The following NFATC1 variants were observed in gnomAD, a reference collection of about 807,000 sequenced individuals.
NFATC1 encodes the protein nuclear factor of activated T cells 1, also known as nuclear factor of activated T-cells, cytoplasmic 1.
In NFATC1, 22 loss-of-function variants were observed where a neutral mutation model predicts 76.0. That is an observed-to-expected ratio of 0.29 (90% CI 0.21 to 0.41). The LOEUF is 0.41. Ranked by LOEUF, NFATC1 falls within the 10% of genes least tolerant of loss-of-function variation. The pLI is 1.00. For missense variants in NFATC1, 1,357 were observed against 1,337.7 expected (o/e 1.01, Z -0.23); for synonymous variants, 704 against 613.1 (o/e 1.15, Z -2.19).
In NFATC1 at chr18:79,448,961, G is replaced by A. The variant is rs2087337869; in HGVS notation, c.1566G>A (p.Leu522=). 1.1e-5 allele frequency: 18 copies of A among 1,613,214 alleles called. No individual in the cohort carries two copies. Among genetic ancestry groups the A allele is most frequent in the Non-Finnish European group, 1.5e-5 (18 of 1,180,010 alleles). Reference sequence around the variant, plus strand: ...CCAAAGTCCTGGAGATCCCACTCCTGCCGGAGAACAGCATGCGAGCCGTGT... The same window carrying A: ...CCAAAGTCCTGGAGATCCCACTCCTACCGGAGAACAGCATGCGAGCCGTGT... The part of the protein sequence containing the change: ...SNTKVLEIPL[L]PENSMRAVID... The change falls in exon 4 of 10, where the codon CTG becomes CTA. Residue 522 remains leucine (L), a synonymous_variant. Transcript: ENST00000427363.
At chr18:79,448,688 G>T in intron 3 of NFATC1, 94 bp from the exon 4 acceptor site, 1 of 1,232,854 alleles carries the variant, frequency 8.1e-7, no homozygotes, top group Non-Finnish European at 1.2e-6. Context: ...GGGGACACAG[G>T]CCTCGAACCC....
intron 3 of NFATC1, among the ~76,000 whole-genome samples, chr18:79,445,178 G>A (rs1018090890): frequency 1.3e-5 from 2 of 152,216 alleles, no homozygotes; most frequent in African/African-American, 4.8e-5. Flanking sequence ...CATCAAATTG[G>A]ATTTTTCTTA....
intron 8 of NFATC1, among the ~76,000 whole-genome samples, chr18:79,485,575 G>A (rs931361613): frequency 6.6e-6 from 1 of 152,208 alleles, no homozygotes; most frequent in African/African-American, 2.4e-5. Context: ...CCCAGCACCC[G>A]CCCTGTGGGC....
rs1303222331 is a variant in NFATC1, at chr18:79,482,161, GTGACCTGGTCCTGGGGTGTAATTCCAGCA to G, written c.2093-4077_2093-4049del. On this transcript the variant is annotated intron_variant, in intron 8 of 9. Transcript: ENST00000427363. ...CTCGTTCCTGGGGTGTAATTCCAGC[GTGACCTGGTCCTGGGGTGTAATTCCAGCA>G]TGACCTGGTTCCTGGGGTGTAATTC... Among the ~76,000 whole-genome samples, 151 of 143,272 alleles carry G rather than the reference GTGACCTGGTCCTGGGGTGTAATTCCAGCA, an allele frequency of 1.1e-3. 2 individuals are homozygous for G. The highest frequency in any genetic ancestry group is 6.8e-3 in the Admixed American group (97 of 14,252). The allele number at this position is 143,272 out of a possible 152,430, so 94.0% of individuals were successfully genotyped here. A position where few individuals can be genotyped will look rare whatever the true frequency, so the allele number is the denominator to read the frequency against.
chr18:79,399,112 G>A (rs568768116), intron 1 of NFATC1, among the ~76,000 whole-genome samples: 1 of 152,364 alleles, frequency 6.6e-6, no homozygotes, highest in Non-Finnish European at 1.5e-5. Flanking sequence ...AAACGTTGTG[G>A]CTTCTCAACA....
Position 79,396,091 on chromosome 18 carries a change from G to T in NFATC1, c.-134G>T, listed in dbSNP as rs146292734. On this transcript the variant is annotated 5_prime_UTR_variant, in exon 1 of 10. The change abolishes an upstream ATG in the 5' untranslated region. Transcript: ENST00000427363. ...GCCACGCGCGCACACGCCCCTCGAT[G>T]ACTTTCCTCCGGGGCGCGCGGCGCT... 0.037 allele frequency: 41,052 copies of T among 1,109,390 alleles called. 887 individuals are homozygous for T. Among genetic ancestry groups the T allele is most frequent in the Non-Finnish European group, 0.042 (37,636 of 889,988 alleles). The allele number at this position is 1,109,390 out of a possible 1,614,324, so 68.7% of individuals were successfully genotyped here.
intron 9 of NFATC1, among the ~76,000 whole-genome samples, chr18:79,501,903 G>A (rs976038021): frequency 2.0e-5 from 3 of 152,178 alleles, no homozygotes; most frequent in Non-Finnish European, 4.4e-5. Context: ...TGGAACAGAA[G>A]AATCAATATT....
At chr18:79,503,439 C>T (rs1057007042) in intron 9 of NFATC1, among the ~76,000 whole-genome samples, 13 of 152,122 alleles carry the variant, frequency 8.5e-5, no homozygotes, top group South Asian at 2.1e-4. Context: ...GTGCATTGTC[C>T]GTGAGCAGTA....
chr18:79,501,608 C>G (rs532705708), intron 9 of NFATC1, among the ~76,000 whole-genome samples: 8,042 of 101,924 alleles, frequency 0.079, 321 homozygotes, highest in Admixed American at 0.14. Context: ...CTACACCCCA[C>G]CCCCCCTCCC....
chr18:79,427,684 T>C (rs12954400), intron 2 of NFATC1, among the ~76,000 whole-genome samples: 68 of 50,004 alleles, frequency 1.4e-3, no homozygotes, highest in African/African-American at 3.4e-3. Flanking sequence ...GGGGGCTGGA[T>C]GGCTGGCCTC....
rs2085770601 is a variant in NFATC1 at position 79,413,560 on chromosome 18, C to T, written c.1226+2059C>T. Among the ~76,000 whole-genome samples the T allele has an allele frequency of 2.0e-5, 3 of 152,208 alleles. No homozygotes were observed. In the South Asian group the frequency reaches 6.2e-4, roughly 31 times the overall value. ...GGCCACCCTGGTGGCCTCATTTGAA[C>T]TTGATCGCTCTGTAAAGACCCTCTC... On this transcript the variant is annotated intron_variant, in intron 2 of 9. Transcript: ENST00000427363.
In NFATC1 at chr18:79,454,996, G is replaced by A. The variant is rs538957706; in HGVS notation, c.1903+3180G>A. 3.3e-3 allele frequency among the ~76,000 whole-genome samples: 505 copies of A among 152,230 alleles called. 5 individuals are homozygous for A. Among genetic ancestry groups the A allele is most frequent in the Admixed American group, 8.8e-3 (134 of 15,286 alleles). On this transcript the variant is annotated intron_variant, in intron 6 of 9. Coordinates refer to ENST00000427363, the MANE Select transcript of NFATC1 (RefSeq NM_001278669.2). Reference sequence around the variant, plus strand: ...TGAAGCTGCTGAGGGACACACTAACGTTCAACATAAACGAAACGCCCGAAG... The same window carrying A: ...TGAAGCTGCTGAGGGACACACTAACATTCAACATAAACGAAACGCCCGAAG...
chr18:79,403,251 G>A (rs1459974184), intron 1 of NFATC1, among the ~76,000 whole-genome samples: 1 of 152,250 alleles, frequency 6.6e-6, no homozygotes, highest in Non-Finnish European at 1.5e-5. Context: ...TTGAGGGAGG[G>A]GCTGTGTCTT....
intron 2 of NFATC1, among the ~76,000 whole-genome samples, chr18:79,427,454 C>T (rs2086396501): frequency 1.0e-4 from 5 of 49,048 alleles, no homozygotes; most frequent in African/African-American, 1.8e-4. Context: ...CGGCTGGCCT[C>T]TGTGCGGTGG....
intron 3 of NFATC1, among the ~76,000 whole-genome samples, chr18:79,441,289 G>A (rs1462386888): frequency 6.6e-6 from 1 of 152,124 alleles, no homozygotes; most frequent in Non-Finnish European, 1.5e-5. Context: ...GATTCCTCGG[G>A]CCCTTCACCC....
chr18:79,506,437 C>T (rs1288935792), intron 9 of NFATC1, among the ~76,000 whole-genome samples: 7 of 152,220 alleles, frequency 4.6e-5, no homozygotes, highest in Non-Finnish European at 5.9e-5. Flanking sequence ...CTCTGATATG[C>T]CCTCCCCAGG....
At chr18:79,440,327 C>T (rs1334000458) in intron 3 of NFATC1, among the ~76,000 whole-genome samples, 2 of 152,222 alleles carry the variant, frequency 1.3e-5, no homozygotes, top group Non-Finnish European at 2.9e-5. Flanking sequence ...GGGGTCTGCA[C>T]GCCCACTGGA....
intron 1 of NFATC1, among the ~76,000 whole-genome samples, chr18:79,407,597 G>A (rs190623521): frequency 2.0e-4 from 31 of 152,288 alleles, no homozygotes; most frequent in Admixed American, 5.2e-4. Context: ...ACAGGCGTGC[G>A]CCACCATGCC....
intron 9 of NFATC1, among the ~76,000 whole-genome samples, chr18:79,519,932 A>G (rs2090474128): frequency 6.6e-6 from 1 of 152,174 alleles, no homozygotes; most frequent in South Asian, 2.1e-4. Flanking sequence ...GAAGTAGGAC[A>G]GTTGGTGATA....
Sources: allele counts gnomAD v4.1 joint callset (sites outside exome capture counted in the v4.1 genomes callset), GRCh38; gene constraint gnomAD v4.1.1; transcripts MANE v1.5; gene names NCBI Gene and HGNC (gene_info 2026-07-23, HGNC 2026-07-21).